Variants in PTPRO observed in about 807,000 individuals in gnomAD.
The protein encoded by PTPRO is receptor-type tyrosine-protein phosphatase O.
PTPRO carries 62 observed loss-of-function variants against 145.2 expected under a neutral mutation model. The ratio of observed to expected loss-of-function variants is 0.43; its 90% CI spans 0.35 to 0.53. The LOEUF (loss-of-function observed/expected upper bound fraction) is 0.53, where lower values mean the gene tolerates loss of function less well. Ranked by LOEUF, PTPRO falls within the 20% of genes least tolerant of loss-of-function variation. The pLI is 0.01. For missense variants in PTPRO, 1,345 were observed against 1,482.7 expected, an observed-to-expected ratio of 0.91 and a Z score of 1.53; for synonymous variants, 565 against 514.7, an observed-to-expected ratio of 1.10 and a Z score of -1.32.
intron 15 of PTPRO, among the ~76,000 whole-genome samples, chr12:15,554,654 C>G (rs1591726604): frequency 6.6e-6 from 1 of 152,080 alleles, no homozygotes; most frequent in East Asian, 1.9e-4. Context: ...CTCCTTTTCA[C>G]ATTTTTCTGC....
intron 12 of PTPRO, among the ~76,000 whole-genome samples, chr12:15,545,407 C>T (rs1165596638): frequency 6.6e-6 from 1 of 151,128 alleles, no homozygotes; most frequent in Non-Finnish European, 1.5e-5. Flanking sequence ...AGCTTAAAAC[C>T]TTGAGTTCAG....
At chr12:15,399,894 T>C (rs535561254) in intron 1 of PTPRO, among the ~76,000 whole-genome samples, 1 of 150,628 alleles carries the variant, frequency 6.6e-6, no homozygotes, top group Non-Finnish European at 1.5e-5. Context: ...CTACTAAAAA[T>C]ACAAAAATTA....
At chr12:15,421,764 C>A (rs1297740425) in intron 1 of PTPRO, among the ~76,000 whole-genome samples, 1 of 152,068 alleles carries the variant, frequency 6.6e-6, no homozygotes, top group Non-Finnish European at 1.5e-5. Context: ...CCTGTGACAC[C>A]TAGTGTGAAG....
At chr12:15,410,477 T>C (rs1179287481) in intron 1 of PTPRO, 5 of 152,254 alleles carry the variant, frequency 3.3e-5, no homozygotes. Context: ...CTTCTGCCTT[T>C]GATGCTTCTG....
intron 19 of PTPRO, among the ~76,000 whole-genome samples, chr12:15,576,252 G>A (rs1944182645): frequency 6.6e-6 from 1 of 152,172 alleles, no homozygotes; most frequent in African/African-American, 2.4e-5. Flanking sequence ...TTTCCACTTA[G>A]TGACAGGCTA....
chr12:15,507,781 G>A (rs1942353940), intron 6 of PTPRO, among the ~76,000 whole-genome samples: 1 of 152,172 alleles, frequency 6.6e-6, no homozygotes, highest in African/African-American at 2.4e-5. Context: ...TTCCTCTCCT[G>A]GATCTCAGCT....
chr12:15,408,221 T>C (rs1030171623), intron 1 of PTPRO, among the ~76,000 whole-genome samples: 19 of 152,276 alleles, frequency 1.2e-4, no homozygotes, highest in African/African-American at 4.1e-4. Flanking sequence ...TTTTTTTTTA[T>C]TATGCCACAT....
intron 1 of PTPRO, among the ~76,000 whole-genome samples, chr12:15,368,587 T>C (rs1938433042): frequency 1.3e-5 from 2 of 152,084 alleles, no homozygotes; most frequent in Non-Finnish European, 2.9e-5. Flanking sequence ...AAAAATGGAG[T>C]TGAATGAATG....
intron 10 of PTPRO, 146 bp downstream of exon 10, chr12:15,520,458 T>C (rs1942692504): frequency 1.5e-6 from 1 of 646,954 alleles, no homozygotes; most frequent in Non-Finnish European, 2.8e-6. Context: ...ATTCTGATCA[T>C]TCATTATTTT....
At chr12:15,428,313 C>A (rs1488456600) in intron 1 of PTPRO, among the ~76,000 whole-genome samples, 1 of 152,118 alleles carries the variant, frequency 6.6e-6, no homozygotes, top group Admixed American at 6.6e-5. Flanking sequence ...TTAGCACTCT[C>A]GTTGTCTGTT....
chr12:15,440,846 T>C (rs1477795424), intron 1 of PTPRO, among the ~76,000 whole-genome samples: 1 of 152,220 alleles, frequency 6.6e-6, no homozygotes, highest in Non-Finnish European at 1.5e-5. Context: ...TAAATATGTA[T>C]GCATCAACTT....
chr12:15,352,486 TA>T (rs1326379092), intron 1 of PTPRO, among the ~76,000 whole-genome samples: 1 of 151,430 alleles, frequency 6.6e-6, no homozygotes, highest in Non-Finnish European at 1.5e-5. Flanking sequence ...CCATCTCTAC[TA>T]AAAAATACAA....
intron 12 of PTPRO, 82 bp from the exon 13 acceptor site, chr12:15,546,487 G>A (rs1166247148): frequency 2.5e-5 from 39 of 1,541,794 alleles, no homozygotes; most frequent in Non-Finnish European, 2.6e-5. Flanking sequence ...TGAATTGGGG[G>A]ATGCTTCACC....
At chr12:15,478,447 T>C (rs1289706220) in intron 1 of PTPRO, among the ~76,000 whole-genome samples, 2 of 152,212 alleles carry the variant, frequency 1.3e-5, no homozygotes, top group African/African-American at 4.8e-5. Context: ...TAGTCAGGTC[T>C]TAATGTGCAT....
intron 2 of PTPRO, among the ~76,000 whole-genome samples, chr12:15,493,923 C>T (rs1245924460): frequency 6.6e-6 from 1 of 152,052 alleles, no homozygotes; most frequent in African/African-American, 2.4e-5. Context: ...GCAAAACGGA[C>T]ACTAAAATAA....
chr12:15,593,124 T>TC, intron 25 of PTPRO, among the ~76,000 whole-genome samples: 1 of 152,326 alleles, frequency 6.6e-6, no homozygotes, highest in African/African-American at 2.4e-5. Flanking sequence ...GGATTAGGTG[T>TC]CCATGTGTGA....
rs1349321752 is a variant in PTPRO at position 15,496,134 on chromosome 12, C to CTTTTTT, written c.350-1109_350-1104dup. Among the ~76,000 whole-genome samples, 86 of 93,080 alleles carry CTTTTTT rather than the reference C, an allele frequency of 9.2e-4. 6 individuals carry two copies. Among genetic ancestry groups the CTTTTTT allele is most frequent in the Non-Finnish European group, 1.3e-3 (60 of 44,868 alleles). 61.1% of individuals were successfully genotyped at this position (93,080 alleles called of 152,430 possible). A position where few individuals can be genotyped will look rare whatever the true frequency, so the allele number is the denominator to read the frequency against. On this transcript the variant is annotated intron_variant, in intron 2 of 26. Coordinates refer to ENST00000281171, the MANE Select transcript of PTPRO (RefSeq NM_030667.3). ...TTTTACTTATGTTCATTTTTCTTTT[C>CTTTTTT]TTTTTTTGTTTTTTTTTTTTTTTTT...
Position 15,359,630 on chromosome 12 carries a change from G to T in PTPRO, c.75+36829G>T, listed in dbSNP as rs117393207. 7.8e-3 allele frequency among the ~76,000 whole-genome samples: 1,187 copies of T among 151,806 alleles called. 32 individuals carry two copies. The South Asian group carries it at 0.085, about 11-fold the overall frequency. On this transcript the variant is annotated intron_variant, in intron 1 of 26. Coordinates refer to ENST00000281171, the MANE Select transcript of PTPRO (RefSeq NM_030667.3). ...GATGGAGTTTCACCATATTGGCCAG[G>T]CTGGTCTTGAACAAACTCTTGTGTG...
intron 15 of PTPRO, among the ~76,000 whole-genome samples, chr12:15,552,011 T>C (rs921816844): frequency 4.6e-5 from 6 of 130,166 alleles, no homozygotes; most frequent in African/African-American, 1.7e-4. Flanking sequence ...TTCAGTATAG[T>C]TAATGAAAAA....
Sources: allele counts gnomAD v4.1 joint callset (sites outside exome capture counted in the v4.1 genomes callset), GRCh38; gene constraint gnomAD v4.1.1; transcripts MANE v1.5; gene names NCBI Gene and HGNC (gene_info 2026-07-23, HGNC 2026-07-21).